Variants in PPFIBP1 observed in about 807,000 individuals in gnomAD.
PPFIBP1 encodes the protein liprin-beta-1.
PPFIBP1 carries 112 observed loss-of-function variants against 137.8 expected under a neutral mutation model. The ratio of observed to expected loss-of-function variants is 0.81; its 90% CI spans 0.70 to 0.95. The LOEUF is 0.95. PPFIBP1 is among the 40% of genes least tolerant of loss of function. The probability of loss-of-function intolerance (pLI) is 0.00; values close to 1 mark genes in which losing one functional copy is unlikely to be tolerated. For missense variants in PPFIBP1, 1,083 were observed against 1,196.6 expected (o/e 0.91, Z 1.40); for synonymous variants, 378 against 417.3 (o/e 0.91, Z 1.15).
intron 2 of PPFIBP1, among the ~76,000 whole-genome samples, chr12:27,604,467 GAGTTCCCATT>G (rs2054307129): frequency 6.6e-6 from 1 of 152,216 alleles, no homozygotes; most frequent in South Asian, 2.1e-4. Flanking sequence ...AGTCATCACA[GAGTTCCCATT>G]AGTAGACCTG....
chr12:27,589,068 G>A lies in PPFIBP1; in HGVS notation c.-36+10829G>A, dbSNP rs532777098. ...TATTAGTAGGTAGCAGGAAAAGATC[G>A]ACTCCAGGTAATGCAATATAAAACC... On this transcript the variant is annotated intron_variant, in intron 2 of 29. Transcript: ENST00000228425. Among the ~76,000 whole-genome samples the A allele has an allele frequency of 3.3e-5, 5 of 152,256 alleles. No homozygotes were observed. In the South Asian group the frequency reaches 8.3e-4, roughly 25 times the overall value.
intron 12 of PPFIBP1, among the ~76,000 whole-genome samples, chr12:27,666,004 T>C (rs2059833079): frequency 1.3e-5 from 2 of 152,250 alleles, no homozygotes; most frequent in Admixed American, 6.5e-5. Flanking sequence ...TTTAAAATGT[T>C]GTTTGATTTT....
chr12:27,681,668 T>C lies in PPFIBP1; in HGVS notation c.2018T>C (p.Leu673Ser), dbSNP rs773284728. The part of the protein sequence containing the change: ...KHWIASGQTL[L>S]QASQQDLEKE... The stretch of plus-strand genomic sequence containing the variant: ...TGGATTGCATCTGGCCAAACGCTTT[T>C]GCAGGCTTCTCAACAAGATCTAGAG... The change falls in exon 22 of 30, where the codon TTG (leucine) becomes TCG (serine). Residue 673 changes from leucine (L) to serine (S), a missense_variant. Transcript: ENST00000228425. 2 of 1,614,208 alleles carry C rather than the reference T, an allele frequency of 1.2e-6. No individual in the cohort carries two copies. Among genetic ancestry groups the C allele is most frequent in the East Asian group, 2.2e-5 (1 of 44,878 alleles).
At chr12:27,570,005 T>G (rs2050004931) in intron 1 of PPFIBP1, among the ~76,000 whole-genome samples, 1 of 152,210 alleles carries the variant, frequency 6.6e-6, no homozygotes, top group South Asian at 2.1e-4. Flanking sequence ...TAATGGATAT[T>G]CAGATATTTC....
At chr12:27,548,424 G>A (rs1270938936) in intron 1 of PPFIBP1, 1 of 152,148 alleles carries the variant, frequency 6.6e-6, no homozygotes, top group Non-Finnish European at 1.5e-5. Flanking sequence ...TAATGATTTA[G>A]GAGTTAAATT....
chr12:27,574,621 T>C (rs963905791), intron 1 of PPFIBP1, among the ~76,000 whole-genome samples: 2 of 152,178 alleles, frequency 1.3e-5, no homozygotes, highest in African/African-American at 2.4e-5. Context: ...TATGCAGAGG[T>C]ATATTTTACT....
intron 1 of PPFIBP1, among the ~76,000 whole-genome samples, chr12:27,563,869 C>CTTTTTTTT (rs570467910): frequency 1.4e-5 from 2 of 142,966 alleles, no homozygotes; most frequent in Non-Finnish European, 1.5e-5. Context: ...AAACACTTCC[C>CTTTTTTTT]TTTTTTTTTT....
intron 27 of PPFIBP1, 84 bp downstream of exon 27, chr12:27,689,287 G>T: frequency 3.0e-6 from 4 of 1,347,088 alleles, no homozygotes; most frequent in Middle Eastern, 2.4e-4. Flanking sequence ...GTTTTCTGGG[G>T]TTTACTAAGT....
intron 1 of PPFIBP1, among the ~76,000 whole-genome samples, chr12:27,539,749 T>C (rs76881909): frequency 2.7e-3 from 409 of 152,224 alleles, no homozygotes; most frequent in Non-Finnish European, 4.1e-3. Flanking sequence ...TATAGAAAAT[T>C]TGAGTAACAT....
At chr12:27,670,034 G>A (rs1199892626) in intron 13 of PPFIBP1, among the ~76,000 whole-genome samples, 1 of 152,174 alleles carries the variant, frequency 6.6e-6, no homozygotes, top group Non-Finnish European at 1.5e-5. Context: ...GTGTTCACTG[G>A]TGTGAGTCTT....
chr12:27,664,590 T>C (rs1328301171), intron 12 of PPFIBP1, 144 bp downstream of exon 12: 1 of 643,824 alleles, frequency 1.6e-6, no homozygotes, highest in Non-Finnish European at 2.8e-6. Context: ...ATTAGGCAAC[T>C]GTACTCTGCC....
intron 15 of PPFIBP1, among the ~76,000 whole-genome samples, chr12:27,673,049 T>C (rs2060296906): frequency 6.6e-6 from 1 of 152,244 alleles, no homozygotes; most frequent in African/African-American, 2.4e-5. Flanking sequence ...AAGAAATGCC[T>C]TTTGAAAGTT....
At chr12:27,624,709 C>T (rs1592941338) in intron 2 of PPFIBP1, among the ~76,000 whole-genome samples, 1 of 152,204 alleles carries the variant, frequency 6.6e-6, no homozygotes, top group Non-Finnish European at 1.5e-5. Context: ...CTCTGCCTTA[C>T]AATCCTCTGT....
intron 1 of PPFIBP1, among the ~76,000 whole-genome samples, chr12:27,567,433 G>A (rs759942240): frequency 6.6e-6 from 1 of 152,154 alleles, no homozygotes; most frequent in Non-Finnish European, 1.5e-5. Flanking sequence ...CTAGCAATAG[G>A]AATTATTGCT....
chr12:27,590,702 G>A (rs529973072), intron 2 of PPFIBP1, among the ~76,000 whole-genome samples: 4 of 152,316 alleles, frequency 2.6e-5, no homozygotes, highest in East Asian at 3.9e-4. Context: ...TTAAGGATGA[G>A]TTTCCCAGGC....
intron 2 of PPFIBP1, among the ~76,000 whole-genome samples, chr12:27,598,494 G>C (rs1175595569): frequency 4.6e-5 from 7 of 152,030 alleles, no homozygotes; most frequent in Non-Finnish European, 1.0e-4. Flanking sequence ...TTTGAGATTT[G>C]GGTGAGGACA....
intron 6 of PPFIBP1, among the ~76,000 whole-genome samples, chr12:27,648,252 C>G (rs2058664311): frequency 6.6e-6 from 1 of 152,058 alleles, no homozygotes; most frequent in Admixed American, 6.5e-5. Flanking sequence ...AAAAGGTGCT[C>G]AACATCATTG....
At chr12:27,664,292 A>G (rs1053185243) in intron 11 of PPFIBP1, 70 bp from the exon 12 acceptor site, 11 of 1,006,700 alleles carry the variant, frequency 1.1e-5, no homozygotes, top group East Asian at 2.6e-5. Context: ...TCTTTATGCA[A>G]TTCTTTATGG....
At position 27,596,111 on chromosome 12, in the gene PPFIBP1, T is replaced by TGCGC. The variant is rs2053278518; in HGVS notation, c.-36+17874_-36+17875insGCGC. On this transcript the variant is annotated intron_variant, in intron 2 of 29. Coordinates refer to ENST00000228425, the MANE Select transcript of PPFIBP1 (RefSeq NM_003622.4). Reference sequence around the variant, plus strand: ...ACACACACACACACACACACACATATGCTTACAAATGGCAAAAAGCCAAGA... The same window carrying TGCGC: ...ACACACACACACACACACACACATATGCGCGCTTACAAATGGCAAAAAGCCAAGA... 1.1e-4 allele frequency among the ~76,000 whole-genome samples: 15 copies of TGCGC among 140,508 alleles called. 1 individual carries two copies. The South Asian group carries it at 3.6e-3, about 33-fold the overall frequency. The allele number at this position is 140,508 out of a possible 152,430, so 92.2% of individuals were successfully genotyped here.
Sources: allele counts gnomAD v4.1 joint callset (sites outside exome capture counted in the v4.1 genomes callset), GRCh38; gene constraint gnomAD v4.1.1; transcripts MANE v1.5; gene names NCBI Gene and HGNC (gene_info 2026-07-23, HGNC 2026-07-21).